ABR: variants seen among roughly 807,000 people sequenced by gnomAD.
ABR encodes the protein ABR activator of RhoGEF and GTPase.
ABR carries 35 observed loss-of-function variants against 107.2 expected under a neutral mutation model. That is an observed-to-expected ratio of 0.33 (90% CI 0.25 to 0.43). The LOEUF (loss-of-function observed/expected upper bound fraction) is 0.43. ABR is among the 20% of genes least tolerant of loss of function. The pLI, the probability that ABR is intolerant of heterozygous loss-of-function variation, is 1.00. For missense variants in ABR, 815 were observed against 1,115.2 expected (o/e 0.73, Z 3.83); for synonymous variants, 498 against 462.0 (o/e 1.08, Z -1.00).
intron 2 of ABR, among the ~76,000 whole-genome samples, chr17:1,108,168 T>G (rs991455494): frequency 3.9e-5 from 6 of 152,136 alleles, no homozygotes; most frequent in African/African-American, 1.4e-4. Flanking sequence ...AAGGCTGAGG[T>G]GGAAGCTCTG....
At chr17:1,103,201 CCGGAG>C in intron 2 of ABR, among the ~76,000 whole-genome samples, 1 of 152,238 alleles carries the variant, frequency 6.6e-6, no homozygotes, top group Admixed American at 6.5e-5. Context: ...GTTCAATTCA[CCGGAG>C]TCTCAAAACC....
At chr17:1,049,738 G>A (rs111489882) in intron 16 of ABR, among the ~76,000 whole-genome samples, 3,662 of 152,328 alleles carry the variant, frequency 0.024, 171 homozygotes, top group African/African-American at 0.082. Flanking sequence ...CAGCCTCTGA[G>A]TCCTTCTCAA....
chr17:1,204,935 G>C (rs1347331459), intron 1 of ABR, among the ~76,000 whole-genome samples: 1 of 114,782 alleles, frequency 8.7e-6, no homozygotes, highest in Admixed American at 1.3e-4. Flanking sequence ...ACTGAGTCTC[G>C]CGCTATCACC....
At chr17:1,215,503 G>A (rs1392560534) in intron 1 of ABR, among the ~76,000 whole-genome samples, 2 of 152,214 alleles carry the variant, frequency 1.3e-5, no homozygotes, top group Admixed American at 6.5e-5. Context: ...GGCCTCCCGA[G>A]GTGCCGGGAT....
In ABR at chr17:1,057,308, TTGTGTGTGTGTG is replaced by T. The variant is rs750525310; in HGVS notation, c.1382-218_1382-207del. Among the ~76,000 whole-genome samples the T allele has an allele frequency of 4.5e-3, 305 of 67,998 alleles. 1 individual carries two copies. Among genetic ancestry groups the T allele is most frequent in the African/African-American group, 0.014 (241 of 17,818 alleles). The allele number at this position is 67,998 out of a possible 152,430, so 44.6% of individuals were successfully genotyped here. A position where few individuals can be genotyped will look rare whatever the true frequency, so the allele number is the denominator to read the frequency against. ...AGTAGGAGAATCTAACTGAAGAGGT[TTGTGTGTGTGTG>T]TGTGTGTGTGTGTGTGTGTGTGTGT... On this transcript the variant is annotated intron_variant, in intron 12 of 22. Transcript: ENST00000302538.
At chr17:1,049,586 C>G (rs2032210266) in intron 16 of ABR, among the ~76,000 whole-genome samples, 1 of 152,106 alleles carries the variant, frequency 6.6e-6, no homozygotes, top group South Asian at 2.1e-4. Flanking sequence ...TCAGAGACCC[C>G]CCTCCCCCCA....
chr17:1,033,765 G>C (rs567652858), intron 16 of ABR, among the ~76,000 whole-genome samples: 98 of 152,240 alleles, frequency 6.4e-4, no homozygotes, highest in Non-Finnish European at 8.1e-4. Context: ...ACCGCCTGAG[G>C]GGGAGGTGGA....
In ABR at chr17:1,005,949, T is replaced by C; in HGVS notation, c.*131A>G. 1.1e-6 allele frequency: 1 copy of C among 876,782 alleles called. No homozygotes were observed. Among genetic ancestry groups the C allele is most frequent in the South Asian group, 1.6e-5 (1 of 64,012 alleles). The allele number at this position is 876,782 out of a possible 1,614,324, so 54.3% of individuals were successfully genotyped here. A position where few individuals can be genotyped will look rare whatever the true frequency, so the allele number is the denominator to read the frequency against. ...ACAAAAGACGTACGCATTCCAGTTCTTGGAAGCTGGCTTCCCTCGAGTCTG... is the reference window on the plus strand; with the variant it reads ...ACAAAAGACGTACGCATTCCAGTTCCTGGAAGCTGGCTTCCCTCGAGTCTG... On this transcript the variant is annotated 3_prime_UTR_variant, in exon 23 of 23. Transcript: ENST00000302538.
chr17:1,125,408 C>T lies in ABR; in HGVS notation c.62-41G>A, dbSNP rs764269857. On this transcript the variant is annotated intron_variant, in intron 1 of 22. Coordinates refer to ENST00000302538, the MANE Select transcript of ABR (RefSeq NM_021962.5). ...AGAAAGGCCACTGAGAATCCTCCACCAGAGCTGCCAGGGACTGGTAGCGTA... is the reference window on the plus strand; with the variant it reads ...AGAAAGGCCACTGAGAATCCTCCACTAGAGCTGCCAGGGACTGGTAGCGTA... 18 of 1,605,492 alleles carry T rather than the reference C, an allele frequency of 1.1e-5. No homozygotes were observed. In the African/African-American group the frequency reaches 1.7e-4, roughly 15 times the overall value.
In ABR at chr17:1,058,059, A is replaced by T. The variant is rs1444059919; in HGVS notation, c.1306-14T>A. On this transcript the variant is annotated splice_polypyrimidine_tract_variant and intron_variant, in intron 11 of 22. Transcript: ENST00000302538. The stretch of plus-strand genomic sequence containing the variant: ...GAACAGGTAACTCTGAAGAGAGGAG[A>T]TAAGCATAAAGTGGGTGACCACAGT... 5 of 1,609,094 alleles carry T rather than the reference A, an allele frequency of 3.1e-6. No homozygotes were observed. Among genetic ancestry groups the T allele is most frequent in the Non-Finnish European group, 4.3e-6 (5 of 1,176,344 alleles).
At chr17:1,025,636 C>T (rs1468965906) in intron 16 of ABR, among the ~76,000 whole-genome samples, 2 of 152,010 alleles carry the variant, frequency 1.3e-5, no homozygotes, top group African/African-American at 4.8e-5. Flanking sequence ...GAATGCACTG[C>T]CCCCAGGTTT....
intron 2 of ABR, among the ~76,000 whole-genome samples, chr17:1,101,907 G>A (rs534988490): frequency 3.3e-5 from 5 of 152,046 alleles, no homozygotes; most frequent in East Asian, 1.9e-4. Flanking sequence ...CTAACTTTTT[G>A]TATTTTTAGT....
rs56033950 is a variant in ABR, at chr17:1,022,120, A to AAAAAAAAAAAAAAAAAAAAC, written c.1792-8957_1792-8956insGTTTTTTTTTTTTTTTTTTT. On this transcript the variant is annotated intron_variant, in intron 16 of 22. Transcript: ENST00000302538. ...AGACTCTGTCTCAAAAAAAAAAAAA[A>AAAAAAAAAAAAAAAAAAAAC]AAAAACAGAAAATGACTCCAGAAGG... 4.8e-3 allele frequency among the ~76,000 whole-genome samples: 564 copies of AAAAAAAAAAAAAAAAAAAAC among 118,254 alleles called. 27 individuals are homozygous for AAAAAAAAAAAAAAAAAAAAC. Among genetic ancestry groups the AAAAAAAAAAAAAAAAAAAAC allele is most frequent in the South Asian group, 6.0e-3 (22 of 3,684 alleles). The allele number at this position is 118,254 out of a possible 152,430, so 77.6% of individuals were successfully genotyped here. A position where few individuals can be genotyped will look rare whatever the true frequency, so the allele number is the denominator to read the frequency against.
intron 3 of ABR, among the ~76,000 whole-genome samples, chr17:1,098,537 T>C (rs1443637059): frequency 6.6e-6 from 1 of 152,242 alleles, no homozygotes; most frequent in Non-Finnish European, 1.5e-5. Flanking sequence ...TTAAAAATGC[T>C]GGTTCAACCC....
chr17:1,083,640 G>C lies in ABR; in HGVS notation c.532-13C>G, dbSNP rs1454113683. On this transcript the variant is annotated splice_polypyrimidine_tract_variant and intron_variant, in intron 4 of 22. Coordinates refer to ENST00000302538, the MANE Select transcript of ABR (RefSeq NM_021962.5). ...CGAGCTGGCTGGCCTGCAGGGAGGA[G>C]TCAGGGAACAGAGGGAGAGGAGGGT... The C allele has an allele frequency of 6.3e-7, 1 of 1,593,234 alleles. No individual in the cohort carries two copies. The highest frequency in any genetic ancestry group is 1.7e-5 in the Admixed American group (1 of 59,932).
chr17:1,174,462 G>C (rs1020208660), intron 1 of ABR, among the ~76,000 whole-genome samples: 1 of 152,046 alleles, frequency 6.6e-6, no homozygotes, highest in East Asian at 1.9e-4. Flanking sequence ...AGAGAATGTG[G>C]GGCTCAGATG....
rs545472408 is a variant in ABR, at chr17:1,128,583, G to A, written c.62-3216C>T. ...GCTGCTGGAAGAGACTGATTTAGCC[G>A]AAAGGTACACTATCCACACTGCCCT... On this transcript the variant is annotated intron_variant, in intron 1 of 22. Coordinates refer to ENST00000302538, the MANE Select transcript of ABR (RefSeq NM_021962.5). Among the ~76,000 whole-genome samples, 8 of 152,352 alleles carry A rather than the reference G, an allele frequency of 5.3e-5. No individual in the cohort carries two copies. In the East Asian group the frequency reaches 5.8e-4, roughly 11 times the overall value.
intron 1 of ABR, among the ~76,000 whole-genome samples, chr17:1,144,724 T>A (rs1034179489): frequency 6.6e-6 from 1 of 151,714 alleles, no homozygotes; most frequent in African/African-American, 2.4e-5. Context: ...AAGCCCCGTC[T>A]CTACTAAAAA....
chr17:1,101,610 T>C (rs1358895230), intron 2 of ABR, among the ~76,000 whole-genome samples: 2 of 152,224 alleles, frequency 1.3e-5, no homozygotes, highest in African/African-American at 2.4e-5. Context: ...TATGTGTCCA[T>C]TTATTTATTC....
Sources: gnomAD v4.1 joint callset for allele counts (sites outside exome capture counted in the v4.1 genomes callset) on GRCh38, gnomAD v4.1.1 for gene constraint, MANE v1.5 for transcripts, NCBI Gene and HGNC (gene_info 2026-07-23, HGNC 2026-07-21) for gene names.